Variants in ARK2N observed in about 807,000 individuals in gnomAD.
The protein encoded by ARK2N is arkadia (RNF111) N-terminal like PKA signaling regulator 2N.
the ARK2N span, among the ~76,000 whole-genome samples, chr18:46,195,559 C>CTTTTTTTT: frequency 5.8e-4 from 42 of 72,684 alleles, 2 homozygotes; most frequent in African/African-American, 2.6e-3. Flanking sequence ...CCCACATAAA[C>CTTTTTTTT]TTTTTTTTTT....
the ARK2N span, among the ~76,000 whole-genome samples, chr18:46,245,460 A>G: frequency 6.6e-6 from 1 of 151,782 alleles, no homozygotes; most frequent in Admixed American, 6.6e-5. Context: ...AGTCGCAGCT[A>G]CTTGGGAGGC....
chr18:46,196,298 G>A, the ARK2N span, among the ~76,000 whole-genome samples: 1 of 147,752 alleles, frequency 6.8e-6, no homozygotes, highest in South Asian at 2.1e-4. Context: ...GTCTCGCTCT[G>A]TCGCCCAGGA....
the ARK2N span, among the ~76,000 whole-genome samples, chr18:46,252,698 G>A: frequency 1.3e-5 from 2 of 152,040 alleles, no homozygotes; most frequent in South Asian, 4.1e-4. Flanking sequence ...ATGAGAATTT[G>A]TACTCATTGC....
At chr18:46,206,585 A>G in the ARK2N span, among the ~76,000 whole-genome samples, 1 of 152,268 alleles carries the variant, frequency 6.6e-6, no homozygotes, top group Non-Finnish European at 1.5e-5. Context: ...TAATCATTTC[A>G]TCTCAGACAT....
the ARK2N span, among the ~76,000 whole-genome samples, chr18:46,255,388 T>G: frequency 2.0e-5 from 3 of 151,742 alleles, no homozygotes; most frequent in Non-Finnish European, 4.4e-5. Flanking sequence ...GTACGGCTGC[T>G]TCAGTTTTTC....
the ARK2N span, among the ~76,000 whole-genome samples, chr18:46,208,827 A>G: frequency 1.3e-5 from 2 of 152,300 alleles, no homozygotes; most frequent in African/African-American, 4.8e-5. Flanking sequence ...CAGTTATAGT[A>G]TACAGTTACT....
At chr18:46,190,027 T>A in the ARK2N span, among the ~76,000 whole-genome samples, 1 of 152,218 alleles carries the variant, frequency 6.6e-6, no homozygotes, top group African/African-American at 2.4e-5. Flanking sequence ...CAGAAACTCT[T>A]CTAAATATAT....
At chr18:46,214,622 A>G in the ARK2N span, among the ~76,000 whole-genome samples, 1 of 152,198 alleles carries the variant, frequency 6.6e-6, no homozygotes, top group Non-Finnish European at 1.5e-5. Context: ...TTTGAGGTTA[A>G]ATATTATGTC....
At chr18:46,213,520 C>T in the ARK2N span, among the ~76,000 whole-genome samples, 17 of 152,010 alleles carry the variant, frequency 1.1e-4, no homozygotes, top group East Asian at 2.7e-3. Flanking sequence ...TAACGGTCTC[C>T]GTTGGTTTAA....
the ARK2N span, among the ~76,000 whole-genome samples, chr18:46,252,525 T>C: frequency 6.6e-6 from 1 of 152,126 alleles, no homozygotes; most frequent in Non-Finnish European, 1.5e-5. Context: ...CCGCCCACCT[T>C]GGCCTCCCAA....
chr18:46,263,992 G>A, the ARK2N span: 1 of 152,226 alleles, frequency 6.6e-6, no homozygotes, highest in Non-Finnish European at 1.5e-5. Context: ...TGGCCTCTGA[G>A]GCTACAGGCA....
chr18:46,237,233 T>A, the ARK2N span, among the ~76,000 whole-genome samples: 4 of 152,100 alleles, frequency 2.6e-5, no homozygotes, highest in African/African-American at 9.7e-5. Context: ...TCAAGAGATA[T>A]TTCTTTTAAA....
At chr18:46,254,310 C>T in the ARK2N span, among the ~76,000 whole-genome samples, 1 of 152,176 alleles carries the variant, frequency 6.6e-6, no homozygotes, top group Non-Finnish European at 1.5e-5. Context: ...TCTGTTTTTA[C>T]AGAGTGTATT....
the ARK2N span, among the ~76,000 whole-genome samples, chr18:46,199,949 T>G: frequency 3.3e-5 from 5 of 152,146 alleles, no homozygotes; most frequent in African/African-American, 1.2e-4. Flanking sequence ...TTCTAGCTCG[T>G]TGTTTCTTGC....
the ARK2N span, among the ~76,000 whole-genome samples, chr18:46,193,052 G>C: frequency 6.6e-6 from 1 of 151,846 alleles, no homozygotes; most frequent in Non-Finnish European, 1.5e-5. Context: ...TATAGTCCCA[G>C]CTACTTGGGA....
chr18:46,203,083 A>G, the ARK2N span, among the ~76,000 whole-genome samples: 3 of 152,350 alleles, frequency 2.0e-5, no homozygotes, highest in Non-Finnish European at 4.4e-5. Flanking sequence ...ACTTTCTAGT[A>G]AAGCTGAACA....
At chr18:46,263,026 A>G in the ARK2N span, 3 of 1,614,140 alleles carry the variant, frequency 1.9e-6, no homozygotes, top group Non-Finnish European at 2.5e-6. Flanking sequence ...ACAGTCATGG[A>G]CTGCTGTGAC....
At chr18:46,198,665 C>G in the ARK2N span, among the ~76,000 whole-genome samples, 1 of 151,892 alleles carries the variant, frequency 6.6e-6, no homozygotes, top group Non-Finnish European at 1.5e-5. Context: ...AGTGGTGCAT[C>G]TCGGCTCACT....
chr18:46,248,795 G>A, the ARK2N span, among the ~76,000 whole-genome samples: 1 of 152,130 alleles, frequency 6.6e-6, no homozygotes, highest in African/African-American at 2.4e-5. Context: ...CTGTTGGCTA[G>A]GATGGTCTCC....
Sources: gnomAD v4.1 joint callset for allele counts (sites outside exome capture counted in the v4.1 genomes callset) on GRCh38, gnomAD v4.1.1 for gene constraint, MANE v1.5 for transcripts, NCBI Gene and HGNC (gene_info 2026-07-23, HGNC 2026-07-21) for gene names.